Variants in MED13 observed in about 807,000 individuals in gnomAD.
MED13 encodes the protein mediator of RNA polymerase II transcription subunit 13.
A neutral mutation model predicts 225.2 loss-of-function variants in MED13; 23 were observed. The observed-to-expected ratio is 0.10, with a 90% CI of 0.07 to 0.14. The LOEUF (loss-of-function observed/expected upper bound fraction) is 0.14. Ranked by LOEUF, MED13 falls within the 10% of genes least tolerant of loss-of-function variation. The pLI is 1.00. For synonymous variants in MED13, 942 were observed against 889.2 expected (o/e 1.06, Z -1.06); for missense variants, 2,197 against 2,594.5 (o/e 0.85, Z 3.33).
chr17:62,039,401 G>A (rs545426515), intron 3 of MED13, among the ~76,000 whole-genome samples: 3 of 152,046 alleles, frequency 2.0e-5, no homozygotes, highest in Non-Finnish European at 4.4e-5. Context: ...TTCTTCCTCT[G>A]CCTCCTGAGT....
Position 61,950,909 on chromosome 17 carries a change from T to C in MED13, c.6207A>G (p.Val2069=). 6.2e-7 allele frequency: 1 copy of C among 1,614,058 alleles called. No homozygotes were observed. The highest frequency in any genetic ancestry group is 1.3e-5 in the African/African-American group (1 of 75,054). The stretch of plus-strand genomic sequence containing the variant: ...GTAATGGACCTGCTTTGGCAGTTGA[T>C]ACAAAGTAACCAAGGGCCAATGGTT... ...LQQPLALGYF[V]STAKAGPLPD... Residue 2069 remains valine (V), a synonymous_variant, in exon 28 of 30, where the codon GTA becomes GTG. Coordinates refer to ENST00000397786, the MANE Select transcript of MED13 (RefSeq NM_005121.3).
intron 23 of MED13, among the ~76,000 whole-genome samples, chr17:61,957,356 A>T (rs867920765): frequency 6.9e-4 from 88 of 128,344 alleles, no homozygotes; most frequent in African/African-American, 2.2e-3. Flanking sequence ...TAAACTTTTT[A>T]TTTTTTTTTT....
At chr17:61,956,696 C>G (rs1255519392) in intron 23 of MED13, among the ~76,000 whole-genome samples, 1 of 151,994 alleles carries the variant, frequency 6.6e-6, no homozygotes, top group Non-Finnish European at 1.5e-5. Context: ...TGTGCCAACA[C>G]ACCCAGCTAA....
rs2080047988 is a variant in MED13, at chr17:61,965,379, G to A, written c.4471C>T (p.Pro1491Ser). Residue 1491 changes from proline to serine, a missense_variant, in exon 20 of 30, where the codon CCT becomes TCT. Transcript: ENST00000397786. Reference sequence around the variant, plus strand: ...GCATTTCCAGTATTTGTCATCTGAGGTGGAGTAATCAAAGACTGACTTGTA... The same window carrying A: ...GCATTTCCAGTATTTGTCATCTGAGATGGAGTAATCAAAGACTGACTTGTA... Reference protein sequence around the residue: ...APTSQSLITPPQMTNTGNANT... With the variant: ...APTSQSLITPSQMTNTGNANT... 6.2e-7 allele frequency: 1 copy of A among 1,614,138 alleles called. No individual in the cohort carries two copies. The highest frequency in any genetic ancestry group is 8.5e-7 in the Non-Finnish European group (1 of 1,179,976).
chr17:61,992,497 A>C (rs2080308033), intron 11 of MED13, 43 bp downstream of exon 11: 1 of 1,238,924 alleles, frequency 8.1e-7, no homozygotes, highest in East Asian at 2.3e-5. Context: ...CTGTAGTAAC[A>C]ATCCTGGAAT....
At chr17:62,045,538 A>C (rs1264676151) in intron 3 of MED13, among the ~76,000 whole-genome samples, 1 of 152,082 alleles carries the variant, frequency 6.6e-6, no homozygotes, top group Non-Finnish European at 1.5e-5. Context: ...AAAAAAAAAA[A>C]AGTTCTTATT....
At chr17:62,027,172 C>T (rs2080710510) in intron 8 of MED13, among the ~76,000 whole-genome samples, 2 of 152,282 alleles carry the variant, frequency 1.3e-5, no homozygotes, top group African/African-American at 4.8e-5. Context: ...ATCATGTTAC[C>T]TGGCTTAAAC....
intron 6 of MED13, 107 bp downstream of exon 6, chr17:62,031,336 TA>T: frequency 9.9e-7 from 1 of 1,013,782 alleles, no homozygotes; most frequent in Non-Finnish European, 1.4e-6. Context: ...ACTACACTTG[TA>T]AATTCTCAAG....
In MED13 at chr17:62,001,678, G is replaced by T. The variant is rs73334693; in HGVS notation, c.1968-6313C>A. On this transcript the variant is annotated intron_variant, in intron 9 of 29. Transcript: ENST00000397786. ...TACCAAACTACATAAAGCTTCTGGA[G>T]CTTCATAAATGGAATTAAATTATTC... 6.4e-3 allele frequency among the ~76,000 whole-genome samples: 968 copies of T among 152,174 alleles called. 10 individuals carry two copies. Among genetic ancestry groups the T allele is most frequent in the African/African-American group, 0.022 (914 of 41,492 alleles).
At chr17:62,032,160 A>C (rs1048041352) in intron 5 of MED13, among the ~76,000 whole-genome samples, 1 of 151,966 alleles carries the variant, frequency 6.6e-6, no homozygotes, top group Non-Finnish European at 1.5e-5. Context: ...TTTTCTTAAA[A>C]AAAAAACAGA....
intron 10 of MED13, among the ~76,000 whole-genome samples, chr17:61,994,101 C>T (rs940932617): frequency 2.6e-5 from 4 of 151,680 alleles, no homozygotes; most frequent in East Asian, 1.9e-4. Flanking sequence ...TGGGTTCAAG[C>T]GATTCTCCTG....
At chr17:61,979,629 G>C (rs1320487844) in intron 16 of MED13, among the ~76,000 whole-genome samples, 1 of 151,968 alleles carries the variant, frequency 6.6e-6, no homozygotes, top group Non-Finnish European at 1.5e-5. Context: ...CTTTCTATAG[G>C]ATCACTCCCA....
At chr17:62,023,084 G>C (rs545808638) in intron 8 of MED13, among the ~76,000 whole-genome samples, 3 of 152,300 alleles carry the variant, frequency 2.0e-5, no homozygotes, top group African/African-American at 7.2e-5. Flanking sequence ...TTGGCAACTA[G>C]CCACTTCTAG....
chr17:61,990,034 G>T (rs1304126528), intron 11 of MED13, among the ~76,000 whole-genome samples: 1 of 151,932 alleles, frequency 6.6e-6, no homozygotes, highest in Non-Finnish European at 1.5e-5. Context: ...CTTATTTTTG[G>T]TTATCCACAG....
chr17:62,008,102 G>C (rs1438487696), intron 9 of MED13, among the ~76,000 whole-genome samples: 1 of 150,282 alleles, frequency 6.7e-6, no homozygotes, highest in Non-Finnish European at 1.5e-5. Flanking sequence ...CGGATCATGA[G>C]GTCAGGAGAT....
At chr17:62,015,743 T>TTATA (rs1054906639) in intron 8 of MED13, among the ~76,000 whole-genome samples, 1 of 142,174 alleles carries the variant, frequency 7.0e-6, no homozygotes, top group Non-Finnish European at 1.5e-5. Context: ...CAGTCTAATT[T>TTATA]TATATATATA....
At chr17:62,040,607 T>G (rs1453774260) in intron 3 of MED13, among the ~76,000 whole-genome samples, 1 of 152,200 alleles carries the variant, frequency 6.6e-6, no homozygotes, top group African/African-American at 2.4e-5. Flanking sequence ...CATTTGCCAG[T>G]AGAGAATCCG....
intron 10 of MED13, among the ~76,000 whole-genome samples, chr17:61,993,063 C>A (rs1219130862): frequency 6.6e-6 from 1 of 152,020 alleles, no homozygotes; most frequent in Non-Finnish European, 1.5e-5. Context: ...CCACGCCTGG[C>A]CTGTGGTATG....
chr17:61,979,638 C>A (rs904030683), intron 16 of MED13, among the ~76,000 whole-genome samples: 1 of 152,140 alleles, frequency 6.6e-6, no homozygotes, highest in Non-Finnish European at 1.5e-5. Context: ...GGATCACTCC[C>A]AATGCACCTT....
Sources: allele counts gnomAD v4.1 joint callset (sites outside exome capture counted in the v4.1 genomes callset), GRCh38; gene constraint gnomAD v4.1.1; transcripts MANE v1.5; gene names NCBI Gene and HGNC (gene_info 2026-07-23, HGNC 2026-07-21).